SBF2: variants seen among roughly 807,000 people sequenced by gnomAD.
The protein encoded by SBF2 is SET binding factor 2.
In SBF2, 112 loss-of-function variants were observed where a neutral mutation model predicts 225.2. That is an observed-to-expected ratio of 0.50 (90% CI 0.43 to 0.58). The LOEUF (loss-of-function observed/expected upper bound fraction) is 0.58. SBF2 is among the 20% of genes least tolerant of loss of function. The probability of loss-of-function intolerance (pLI) is 0.00; values close to 1 mark genes in which losing one functional copy is unlikely to be tolerated. For synonymous variants in SBF2, 763 were observed against 773.3 expected, an observed-to-expected ratio of 0.99 and a Z score of 0.22; for missense variants, 1,996 against 2,206.2, an observed-to-expected ratio of 0.90 and a Z score of 1.91.
intron 1 of SBF2, among the ~76,000 whole-genome samples, chr11:10,233,373 T>C (rs916277710): frequency 6.6e-6 from 1 of 152,114 alleles, no homozygotes; most frequent in Non-Finnish European, 1.5e-5. Flanking sequence ...GTACAAGAAC[T>C]GTGTAGTCAA....
intron 2 of SBF2, among the ~76,000 whole-genome samples, chr11:10,091,696 C>G (rs926863136): frequency 6.6e-6 from 1 of 152,092 alleles, no homozygotes; most frequent in Non-Finnish European, 1.5e-5. Flanking sequence ...AAAGTATTGG[C>G]ATTATGGATA....
At chr11:9,838,971 GCCTTGCCTACA>G (rs1855911044) in intron 26 of SBF2, 2 of 172,466 alleles carry the variant, frequency 1.2e-5, no homozygotes. Context: ...GCATAAGAAA[GCCTTGCCTACA>G]CCTGGGTCAG....
intron 21 of SBF2, among the ~76,000 whole-genome samples, chr11:9,850,528 G>C (rs191699993): frequency 6.6e-6 from 1 of 152,100 alleles, no homozygotes; most frequent in African/African-American, 2.4e-5. Flanking sequence ...AAAGTGCTAG[G>C]ATTACAGGCA....
intron 16 of SBF2, among the ~76,000 whole-genome samples, chr11:9,926,365 A>C (rs577486666): frequency 5.6e-4 from 85 of 152,296 alleles, no homozygotes; most frequent in African/African-American, 2.0e-3. Context: ...ACCATTGGAA[A>C]GACTGAAAAT....
chr11:9,838,787 C>T (rs1459534152), intron 26 of SBF2: 1 of 152,080 alleles, frequency 6.6e-6, no homozygotes, highest in Non-Finnish European at 1.5e-5. Context: ...AATGACTAAA[C>T]TTGTGGATGG....
intron 1 of SBF2, among the ~76,000 whole-genome samples, chr11:10,291,480 G>T (rs35392578): frequency 2.6e-5 from 4 of 152,086 alleles, no homozygotes; most frequent in African/African-American, 9.7e-5. Context: ...ATAACAGCCC[G>T]AATGGACTAA....
chr11:10,181,954 A>G (rs184854644), intron 2 of SBF2, among the ~76,000 whole-genome samples: 12 of 152,256 alleles, frequency 7.9e-5, no homozygotes, highest in South Asian at 6.2e-4. Context: ...AATTTTGTAC[A>G]TTGGTGACTT....
At chr11:9,879,899 T>C (rs555986294) in intron 17 of SBF2, among the ~76,000 whole-genome samples, 1 of 151,882 alleles carries the variant, frequency 6.6e-6, no homozygotes, top group Non-Finnish European at 1.5e-5. Flanking sequence ...CCCTGGCCAA[T>C]GTGGCAAAAC....
chr11:9,828,296 T>C, intron 28 of SBF2: 10 of 1,260,906 alleles, frequency 7.9e-6, no homozygotes, highest in Non-Finnish European at 1.0e-5. Context: ...AAAGTTATCT[T>C]CAGGTGTAGC....
intron 17 of SBF2, among the ~76,000 whole-genome samples, chr11:9,868,471 T>C (rs989526883): frequency 6.6e-6 from 1 of 151,434 alleles, no homozygotes; most frequent in Non-Finnish European, 1.5e-5. Flanking sequence ...TGAACTGAGA[T>C]TGCGCCACTG....
intron 1 of SBF2, among the ~76,000 whole-genome samples, chr11:10,282,490 T>C (rs536110006): frequency 3.9e-5 from 6 of 152,298 alleles, no homozygotes; most frequent in East Asian, 1.9e-4. Flanking sequence ...ACCTTGATTA[T>C]AGACCATCAC....
At chr11:10,288,318 G>C (rs1380152394) in intron 1 of SBF2, among the ~76,000 whole-genome samples, 1 of 152,200 alleles carries the variant, frequency 6.6e-6, no homozygotes, top group Non-Finnish European at 1.5e-5. Context: ...GGGTGAGCAA[G>C]ACAAAGAGGA....
intron 1 of SBF2, among the ~76,000 whole-genome samples, chr11:10,201,847 C>G (rs1011478284): frequency 6.6e-6 from 1 of 152,124 alleles, no homozygotes; most frequent in Non-Finnish European, 1.5e-5. Flanking sequence ...AATACAATCA[C>G]TGGGTGACAG....
At chr11:9,828,207 T>A (rs1590169987) in intron 28 of SBF2, 1 of 1,289,466 alleles carries the variant, frequency 7.8e-7, no homozygotes, top group East Asian at 5.5e-5. Context: ...ATTCTTGAAG[T>A]CCTCCTTTCA....
At chr11:9,806,025 T>C (rs1853824102) in intron 32 of SBF2, among the ~76,000 whole-genome samples, 1 of 152,230 alleles carries the variant, frequency 6.6e-6, no homozygotes, top group South Asian at 2.1e-4. Context: ...TATTGTCTAT[T>C]ATATTCCAGA....
At chr11:9,894,705 G>A (rs11042535) in intron 17 of SBF2, among the ~76,000 whole-genome samples, 31,170 of 151,442 alleles carry the variant, frequency 0.21, 4,091 homozygotes, top group Non-Finnish European at 0.3. Context: ...AATAGGCCAG[G>A]CGCAGTAGCT....
intron 17 of SBF2, among the ~76,000 whole-genome samples, chr11:9,874,612 T>A (rs1859062378): frequency 6.6e-6 from 1 of 152,204 alleles, no homozygotes; most frequent in African/African-American, 2.4e-5. Flanking sequence ...GTTACTTCAG[T>A]GCCTACACTT....
intron 2 of SBF2, among the ~76,000 whole-genome samples, chr11:10,135,136 G>C (rs1360304741): frequency 6.6e-6 from 1 of 152,214 alleles, no homozygotes; most frequent in Non-Finnish European, 1.5e-5. Flanking sequence ...AGTTGCCAAG[G>C]CTTAGGGCTT....
chr11:9,853,754 G>C (rs1344471754), intron 19 of SBF2, 42 bp from the exon 20 acceptor site: 3 of 1,563,908 alleles, frequency 1.9e-6, no homozygotes, highest in Non-Finnish European at 2.6e-6. Flanking sequence ...GTACTTAAAT[G>C]CAACAAATGA....
Sources: gnomAD v4.1 joint callset for allele counts (sites outside exome capture counted in the v4.1 genomes callset) on GRCh38, gnomAD v4.1.1 for gene constraint, MANE v1.5 for transcripts, NCBI Gene and HGNC (gene_info 2026-07-23, HGNC 2026-07-21) for gene names.